Variants in MBD1 observed in about 807,000 individuals in gnomAD.
MBD1 encodes the protein methyl-CpG-binding domain protein 1.
Under a neutral mutation model 82.6 loss-of-function variants are expected in MBD1, and 25 were observed. The ratio of observed to expected loss-of-function variants is 0.30; its 90% CI spans 0.22 to 0.42. The LOEUF (loss-of-function observed/expected upper bound fraction) is 0.42. Among genes scored for constraint, MBD1 ranks in the 10% least tolerant of loss-of-function variants. The pLI, the probability that MBD1 is intolerant of heterozygous loss-of-function variation, is 1.00. For synonymous variants in MBD1, 301 were observed against 303.7 expected (o/e 0.99, Z 0.09); for missense variants, 627 against 819.6 (o/e 0.76, Z 2.87).
intron 2 of MBD1, 25 bp downstream of exon 2, chr18:50,279,858 A>C (rs1264178728): frequency 1.2e-6 from 2 of 1,613,728 alleles, no homozygotes; most frequent in Admixed American, 1.7e-5. Flanking sequence ...CCCACTCCTG[A>C]CTCTGCCCAC....
chr18:50,267,756 C>T (rs914960400), downstream of MBD1: 27 of 782,482 alleles, frequency 3.5e-5, no homozygotes, highest in Non-Finnish European at 2.2e-6. Flanking sequence ...AAATCAGTAC[C>T]TACGTCAAAC....
chr18:50,267,764 A>G, downstream of MBD1: 1 of 750,794 alleles, frequency 1.3e-6, no homozygotes, highest in Non-Finnish European at 2.3e-6. Context: ...ACCTACGTCA[A>G]ACTGACATAT....
Position 50,273,435 on chromosome 18 carries a change from A to G in MBD1, c.1483T>C (p.Leu495=). 6.2e-7 allele frequency: 1 copy of G among 1,614,190 alleles called. No homozygotes were observed. The highest frequency in any genetic ancestry group is 1.1e-5 in the South Asian group (1 of 91,090). ...QCSGLSWVVA[L]PQVKQEKADT... ...GCCTTCTCTTGCTTCACCTGGGGTA[A>G]GGCCACAACCCAACTCAGGCCAGAG... Residue 495 remains leucine, a synonymous_variant, in exon 13 of 17, where the codon TTA becomes CTA. Coordinates refer to ENST00000269468, the MANE Select transcript of MBD1 (RefSeq NM_015846.4).
Position 50,276,724 on chromosome 18 carries a change from A to G in MBD1, c.413T>C (p.Ile138Thr). 6.2e-7 allele frequency: 1 copy of G among 1,614,210 alleles called. No homozygotes were observed. The change falls in exon 5 of 17, where the codon ATC becomes ACC. Residue 138 changes from isoleucine to threonine, a missense_variant. Coordinates refer to ENST00000269468, the MANE Select transcript of MBD1 (RefSeq NM_015846.4). ...TTGGGTGCCATCCCCTGAGAAGCTG[A>G]TTCCACAGTTCTCACAGCACCTGGG... is the stretch of plus-strand genomic sequence containing the variant. ...PAPGCCENCG[I>T]SFSGDGTQRQ...
chr18:50,276,451 A>G lies in MBD1; in HGVS notation c.476-33T>C, dbSNP rs747562962. 3.7e-6 allele frequency: 6 copies of G among 1,609,936 alleles called. No homozygotes were observed. The East Asian group carries it at 1.3e-4, about 36-fold the overall frequency. On this transcript the variant is annotated intron_variant, in intron 5 of 16. Transcript: ENST00000269468. Reference sequence around the variant, plus strand: ...GAGGAAGAGGGAAGAAGAAAAGTGGAAAGGAAGCAACAGACATCTGACTTC... The same window carrying G: ...GAGGAAGAGGGAAGAAGAAAAGTGGGAAGGAAGCAACAGACATCTGACTTC...
intron 1 of MBD1, among the ~76,000 whole-genome samples, chr18:50,280,393 C>A (rs1295586076): frequency 6.6e-6 from 1 of 151,874 alleles, no homozygotes; most frequent in Non-Finnish European, 1.5e-5. Context: ...TATTTTATCA[C>A]CCCAAGACCC....
intron 13 of MBD1, 62 bp downstream of exon 13, chr18:50,273,271 TC>T: frequency 6.2e-7 from 1 of 1,602,426 alleles, no homozygotes; most frequent in South Asian, 1.1e-5. Flanking sequence ...TCATGGCTCA[TC>T]ATCACTCTGC....
chr18:50,269,645 G>A lies in MBD1; in HGVS notation c.*206C>T. ...GATGCATATTTAACTCTGTGAGGAAGGGCACCAGCTTCTTCTGCAGGACAC... is the reference window on the plus strand; with the variant it reads ...GATGCATATTTAACTCTGTGAGGAAAGGCACCAGCTTCTTCTGCAGGACAC... On this transcript the variant is annotated 3_prime_UTR_variant, in exon 17 of 17. Coordinates refer to ENST00000269468, the MANE Select transcript of MBD1 (RefSeq NM_015846.4). The A allele has an allele frequency of 1.3e-6, 1 of 744,502 alleles. No individual in the cohort carries two copies. The highest frequency in any genetic ancestry group is 2.5e-6 in the Non-Finnish European group (1 of 397,714). 46.1% of individuals were successfully genotyped at this position (744,502 alleles called of 1,614,324 possible).
chr18:50,281,353 G>T lies in MBD1; in HGVS notation c.-26+10C>A, dbSNP rs929447976. Reference sequence around the variant, plus strand: ...AGCGCTCTCCACGTCCAGCCCCAAGGCTGTCTCACCAGTTTGGCACCAGGC... The same window carrying T: ...AGCGCTCTCCACGTCCAGCCCCAAGTCTGTCTCACCAGTTTGGCACCAGGC... On this transcript the variant is annotated intron_variant, in intron 1 of 16. Transcript: ENST00000269468. 3.3e-6 allele frequency: 3 copies of T among 901,170 alleles called. No individual in the cohort carries two copies. In the African/African-American group the frequency reaches 4.9e-5, roughly 15 times the overall value. The allele number at this position is 901,170 out of a possible 1,614,324, so 55.8% of individuals were successfully genotyped here. A position where few individuals can be genotyped will look rare whatever the true frequency, so the allele number is the denominator to read the frequency against.
chr18:50,267,586 AATCAGGG>A, downstream of MBD1: 2 of 1,531,270 alleles, frequency 1.3e-6, no homozygotes, highest in South Asian at 2.4e-5. Context: ...AGGAAACACA[AATCAGGG>A]AACCAGGACG....
At position 50,269,508 on chromosome 18, in the gene MBD1, G is replaced by GT; in HGVS notation, c.*342dup. On this transcript the variant is annotated 3_prime_UTR_variant, in exon 17 of 17. Coordinates refer to ENST00000269468, the MANE Select transcript of MBD1 (RefSeq NM_015846.4). ...GTTGTTGCAGTTCACACGTTGCCAT[G>GT]TATCTGCTAGATCACCTCGTTGGTG... 3 of 715,876 alleles carry GT rather than the reference G, an allele frequency of 4.2e-6. No homozygotes were observed. In the Middle Eastern group the frequency reaches 9.1e-4, roughly 217 times the overall value. The allele number at this position is 715,876 out of a possible 1,614,324, so 44.3% of individuals were successfully genotyped here. A position where few individuals can be genotyped will look rare whatever the true frequency, so the allele number is the denominator to read the frequency against.
intron 10 of MBD1, among the ~76,000 whole-genome samples, chr18:50,274,560 G>A (rs955629011): frequency 2.6e-5 from 4 of 152,112 alleles, no homozygotes; most frequent in Non-Finnish European, 4.4e-5. Flanking sequence ...GCTGGCCCTC[G>A]ATACCATTAG....
In MBD1 at chr18:50,281,480, C is replaced by T; in HGVS notation, c.-143G>A. ...CTTCCTCCTCCTCCGCGGCCGCCTC[C>T]TCTGAAGCGGTAGCTGTCGCCTCCG... On this transcript the variant is annotated 5_prime_UTR_variant, in exon 1 of 17. Coordinates refer to ENST00000269468, the MANE Select transcript of MBD1 (RefSeq NM_015846.4). The T allele has an allele frequency of 1.7e-6, 1 of 589,634 alleles. No homozygotes were observed. The highest frequency in any genetic ancestry group is 3.0e-6 in the Non-Finnish European group (1 of 331,420). 36.5% of individuals were successfully genotyped at this position (589,634 alleles called of 1,614,324 possible).
At chr18:50,269,894 G>A in intron 16 of MBD1, 76 bp from the exon 17 acceptor site, 2 of 1,064,130 alleles carry the variant, frequency 1.9e-6, no homozygotes, top group African/African-American at 1.6e-5. Flanking sequence ...ATGGCATGCG[G>A]TCAGATCCCT....
chr18:50,275,259 G>C lies in MBD1; in HGVS notation c.793-14C>G. 6.2e-7 allele frequency: 1 copy of C among 1,613,716 alleles called. No homozygotes were observed. The highest frequency in any genetic ancestry group is 8.5e-7 in the Non-Finnish European group (1 of 1,179,650). ...GGCATGTTTACCCTGGGAAAGATCA[G>C]AAAGGGTGGTTTCAGCTTGGTGGCA... On this transcript the variant is annotated splice_polypyrimidine_tract_variant and intron_variant, in intron 8 of 16. Transcript: ENST00000269468.
intron 16 of MBD1, 181 bp downstream of exon 16, chr18:50,271,288 T>C: frequency 6.8e-7 from 1 of 1,475,782 alleles, no homozygotes; most frequent in Non-Finnish European, 8.9e-7. Flanking sequence ...TTTCTACTCT[T>C]TCTCTTCCTT....
chr18:50,267,867 T>C (rs1446424945), downstream of MBD1, among the ~76,000 whole-genome samples: 4 of 152,248 alleles, frequency 2.6e-5, no homozygotes, highest in Non-Finnish European at 5.9e-5. Flanking sequence ...ACTTCGGATT[T>C]TGTATGTGGT....
Position 50,273,660 on chromosome 18 carries a change from G to A in MBD1, c.1350C>T (p.Pro450=), listed in dbSNP as rs1410982974. The change falls in exon 12 of 17, where the codon CCC becomes CCT. Residue 450 remains proline, a synonymous_variant. Transcript: ENST00000269468. ...AAAACACAAGGTCAGTGCCAGGCGGGGGCAGCACAAAGCCACCACCTGCTT... is the reference window on the plus strand; with the variant it reads ...AAAACACAAGGTCAGTGCCAGGCGGAGGCAGCACAAAGCCACCACCTGCTT... ...KQEAGGGFVL[P]PPGTDLVFLR... is the part of the protein sequence containing the mutation. The A allele has an allele frequency of 6.2e-7, 1 of 1,614,030 alleles. No individual in the cohort carries two copies. Among genetic ancestry groups the A allele is most frequent in the African/African-American group, 1.3e-5 (1 of 75,062 alleles).
chr18:50,281,730 A>ATT (rs2040309083), upstream of MBD1: 3 of 376,838 alleles, frequency 8.0e-6, no homozygotes, highest in Non-Finnish European at 1.4e-5. Context: ...AGGGACTGGC[A>ATT]GTTGCGGCTC....
Sources: allele counts gnomAD v4.1 joint callset (sites outside exome capture counted in the v4.1 genomes callset), GRCh38; gene constraint gnomAD v4.1.1; transcripts MANE v1.5; gene names NCBI Gene and HGNC (gene_info 2026-07-23, HGNC 2026-07-21).